The following STK38L variants were observed in gnomAD, a reference collection of about 807,000 sequenced individuals.
The protein encoded by STK38L is serine/threonine-protein kinase 38-like.
A neutral mutation model predicts 59.7 loss-of-function variants in STK38L; 28 were observed. The ratio of observed to expected loss-of-function variants is 0.47; its 90% CI spans 0.35 to 0.64. The LOEUF (loss-of-function observed/expected upper bound fraction) is 0.64, where lower values mean the gene tolerates loss of function less well. Among genes scored for constraint, STK38L ranks in the 30% least tolerant of loss-of-function variants. STK38L has a pLI of 0.01. For synonymous variants in STK38L, 162 were observed against 176.8 expected, an observed-to-expected ratio of 0.92 and a Z score of 0.66; for missense variants, 314 against 555.8, an observed-to-expected ratio of 0.56 and a Z score of 4.37.
intron 1 of STK38L, among the ~76,000 whole-genome samples, chr12:27,251,595 C>T (rs1475088019): frequency 6.6e-6 from 1 of 152,178 alleles, no homozygotes; most frequent in Non-Finnish European, 1.5e-5. Context: ...TCACTAAGGC[C>T]TCTACAAAAT....
At chr12:27,256,821 A>T (rs979994727) in intron 1 of STK38L, among the ~76,000 whole-genome samples, 1 of 152,160 alleles carries the variant, frequency 6.6e-6, no homozygotes, top group African/African-American at 2.4e-5. Flanking sequence ...TCTTCATTGA[A>T]TTTGTTCAAA....
At chr12:27,295,329 A>G (rs1428672253) in intron 1 of STK38L, among the ~76,000 whole-genome samples, 1 of 152,174 alleles carries the variant, frequency 6.6e-6, no homozygotes, top group Non-Finnish European at 1.5e-5. Context: ...AGGCAGAGCA[A>G]ATATTTTAAG....
intron 1 of STK38L, among the ~76,000 whole-genome samples, chr12:27,246,042 TA>T (rs1411778188): frequency 6.6e-6 from 1 of 152,220 alleles, no homozygotes; most frequent in Non-Finnish European, 1.5e-5. Context: ...GAGTTTGTTT[TA>T]AAATAAGTCA....
At chr12:27,275,357 T>TC (rs1943511375) in intron 1 of STK38L, among the ~76,000 whole-genome samples, 1 of 151,526 alleles carries the variant, frequency 6.6e-6, no homozygotes, top group Admixed American at 6.6e-5. Flanking sequence ...TTTTTTTTTT[T>TC]TTTGAGACGG....
intron 3 of STK38L, among the ~76,000 whole-genome samples, chr12:27,306,492 T>C (rs1944315953): frequency 6.6e-6 from 1 of 152,156 alleles, no homozygotes; most frequent in Non-Finnish European, 1.5e-5. Flanking sequence ...ATTTATTTTT[T>C]TATTATTCAA....
At chr12:27,276,153 C>T (rs1490514750) in intron 1 of STK38L, among the ~76,000 whole-genome samples, 6 of 152,246 alleles carry the variant, frequency 3.9e-5, no homozygotes, top group East Asian at 1.9e-4. Context: ...AACTGTACCT[C>T]CCTGTGTGCA....
Position 27,257,691 on chromosome 12 carries a change from G to A in STK38L, c.-12+13359G>A, listed in dbSNP as rs116624975. Among the ~76,000 whole-genome samples the A allele has an allele frequency of 1.8e-3, 271 of 152,212 alleles. 1 individual carries two copies. The highest frequency in any genetic ancestry group is 5.9e-3 in the African/African-American group (244 of 41,508). On this transcript the variant is annotated intron_variant, in intron 1 of 13. Coordinates refer to ENST00000389032, the MANE Select transcript of STK38L (RefSeq NM_015000.4). ...ATTTTGCCCTTTGTATGACTATAGG[G>A]CATCACTAAGTATTGAATAATTTCT... is the stretch of plus-strand genomic sequence containing the variant.
intron 1 of STK38L, among the ~76,000 whole-genome samples, chr12:27,259,802 T>C (rs893094872): frequency 6.6e-6 from 1 of 152,228 alleles, no homozygotes; most frequent in Admixed American, 6.5e-5. Flanking sequence ...CAGCTCATTG[T>C]GGACATTTTA....
intron 1 of STK38L, among the ~76,000 whole-genome samples, chr12:27,296,061 C>G (rs1293429672): frequency 6.6e-6 from 1 of 152,174 alleles, no homozygotes; most frequent in Admixed American, 6.6e-5. Flanking sequence ...ATGTGACTTG[C>G]CCCAAACTTC....
chr12:27,314,082 T>C lies in STK38L; in HGVS notation c.518-422T>C, dbSNP rs1033713374. 3.3e-5 allele frequency among the ~76,000 whole-genome samples: 5 copies of C among 152,276 alleles called. No homozygotes were observed. In the East Asian group the frequency reaches 9.7e-4, roughly 29 times the overall value. On this transcript the variant is annotated intron_variant, in intron 6 of 13. Transcript: ENST00000389032. ...TTGTCCCAAGATGTGGTTAGAAATA[T>C]ACTGGGTAGATCATAAAATGCAAAC...
intron 5 of STK38L, 35 bp from the exon 6 acceptor site, chr12:27,312,514 T>G: frequency 6.2e-7 from 1 of 1,607,788 alleles, no homozygotes; most frequent in Non-Finnish European, 8.5e-7. Flanking sequence ...TGTGATGTAT[T>G]TACAATTATT....
intron 1 of STK38L, among the ~76,000 whole-genome samples, chr12:27,251,124 A>G (rs1194825673): frequency 6.6e-6 from 1 of 151,952 alleles, no homozygotes; most frequent in African/African-American, 2.4e-5. Context: ...TCCCACCCCA[A>G]GTTTTCTTTC....
At chr12:27,318,854 G>A (rs1412812944) in intron 11 of STK38L, among the ~76,000 whole-genome samples, 1 of 152,174 alleles carries the variant, frequency 6.6e-6, no homozygotes, top group Non-Finnish European at 1.5e-5. Context: ...AGCCGGGCGA[G>A]GTGGCGGGCG....
chr12:27,299,311 A>G (rs1454035149), intron 2 of STK38L, among the ~76,000 whole-genome samples: 1 of 152,234 alleles, frequency 6.6e-6, no homozygotes, highest in Non-Finnish European at 1.5e-5. Flanking sequence ...TCAACTTAAA[A>G]TAGGAATATG....
intron 11 of STK38L, among the ~76,000 whole-genome samples, chr12:27,318,818 C>T (rs1490232983): frequency 1.3e-5 from 2 of 152,046 alleles, no homozygotes; most frequent in Non-Finnish European, 2.9e-5. Context: ...GGTGAAACCC[C>T]GTCTCTACTA....
At chr12:27,259,471 A>G (rs546652788) in intron 1 of STK38L, among the ~76,000 whole-genome samples, 52 of 152,286 alleles carry the variant, frequency 3.4e-4, no homozygotes, top group African/African-American at 1.1e-3. Context: ...CTAGACTGAG[A>G]AGAGAGGCAG....
rs1000748017 is a variant in STK38L, at chr12:27,258,114, C to T, written c.-12+13782C>T. On this transcript the variant is annotated intron_variant, in intron 1 of 13. Transcript: ENST00000389032. Reference sequence around the variant, plus strand: ...TCAAGTGATCCACCCACCTCTGCCTCCCAAAGTGTTAGGATTACAGGCATA... The same window carrying T: ...TCAAGTGATCCACCCACCTCTGCCTTCCAAAGTGTTAGGATTACAGGCATA... Among the ~76,000 whole-genome samples, 9 of 148,382 alleles carry T rather than the reference C, an allele frequency of 6.1e-5. No individual in the cohort carries two copies. In the South Asian group the frequency reaches 6.2e-4, roughly 10 times the overall value.
rs1944772429 is a variant in STK38L at position 27,323,254 on chromosome 12, TTTTTTTAACAAGAG to T, written c.*800_*813del. On this transcript the variant is annotated 3_prime_UTR_variant, in exon 14 of 14. Transcript: ENST00000389032. ...GATTTTCTTGTGACAAGAGAACTTC[TTTTTTTAACAAGAG>T]GACATGGCATTATTTTAATTTGATT... 6.6e-6 allele frequency: 1 copy of T among 152,158 alleles called. No homozygotes were observed. The highest frequency in any genetic ancestry group is 1.5e-5 in the Non-Finnish European group (1 of 67,996). The allele number at this position is 152,158 out of a possible 1,614,324, so 9.4% of individuals were successfully genotyped here. A position where few individuals can be genotyped will look rare whatever the true frequency, so the allele number is the denominator to read the frequency against.
intron 1 of STK38L, among the ~76,000 whole-genome samples, chr12:27,277,473 C>T (rs1237495809): frequency 1.3e-5 from 2 of 151,760 alleles, no homozygotes; most frequent in African/African-American, 4.8e-5. Context: ...TCTTTAACTC[C>T]CTGATTTTAG....
Sources: gnomAD v4.1 joint callset for allele counts (sites outside exome capture counted in the v4.1 genomes callset) on GRCh38, gnomAD v4.1.1 for gene constraint, MANE v1.5 for transcripts, NCBI Gene and HGNC (gene_info 2026-07-23, HGNC 2026-07-21) for gene names.